Variants in TCF12 observed in about 807,000 individuals in gnomAD.
TCF12 encodes the protein transcription factor 12.
A neutral mutation model predicts 86.0 loss-of-function variants in TCF12; 45 were observed. The ratio of observed to expected loss-of-function variants is 0.52; its 90% CI spans 0.41 to 0.67. The LOEUF is 0.67. Ranked by LOEUF, TCF12 falls within the 30% of genes least tolerant of loss-of-function variation. The pLI, the probability that TCF12 is intolerant of heterozygous loss-of-function variation, is 0.00. For missense variants in TCF12, 881 were observed against 859.9 expected (o/e 1.02, Z -0.31); for synonymous variants, 330 against 299.6 (o/e 1.10, Z -1.05).
At chr15:56,957,589 A>G (rs2061553415) in intron 3 of TCF12, among the ~76,000 whole-genome samples, 1 of 152,156 alleles carries the variant, frequency 6.6e-6, no homozygotes, top group South Asian at 2.1e-4. Context: ...CTATGTCTCT[A>G]AACATTTTGA....
intron 6 of TCF12, among the ~76,000 whole-genome samples, chr15:57,176,079 TTCCCACTCC>T (rs1299674762): frequency 6.6e-6 from 1 of 152,192 alleles, no homozygotes; most frequent in African/African-American, 2.4e-5. Flanking sequence ...CATGCCTGTA[TTCCCACTCC>T]TCTGGAGGCT....
intron 3 of TCF12, among the ~76,000 whole-genome samples, chr15:56,961,155 T>G (rs1310795171): frequency 2.0e-5 from 3 of 150,964 alleles, no homozygotes; most frequent in African/African-American, 7.3e-5. Context: ...ATCAGTTCAT[T>G]AAATAAGTAC....
At chr15:57,125,132 C>G (rs958728334) in intron 5 of TCF12, among the ~76,000 whole-genome samples, 16 of 152,236 alleles carry the variant, frequency 1.1e-4, no homozygotes, top group Non-Finnish European at 2.1e-4. Context: ...GGACAGATAG[C>G]CAAGCTTTCA....
At chr15:57,015,208 A>AGCCCT (rs1381292246) in intron 3 of TCF12, among the ~76,000 whole-genome samples, 1 of 152,166 alleles carries the variant, frequency 6.6e-6, no homozygotes, top group Admixed American at 6.5e-5. Flanking sequence ...GGATCACCTG[A>AGCCCT]GCCCTGGAGG....
intron 3 of TCF12, among the ~76,000 whole-genome samples, chr15:56,994,806 A>G (rs2063620054): frequency 6.6e-6 from 1 of 152,168 alleles, no homozygotes; most frequent in Non-Finnish European, 1.5e-5. Flanking sequence ...ATCTAAAAGA[A>G]TTGCTAAAAG....
chr15:57,074,501 G>C (rs1027070944), intron 4 of TCF12, among the ~76,000 whole-genome samples: 10 of 151,996 alleles, frequency 6.6e-5, no homozygotes, highest in Admixed American at 3.9e-4. Flanking sequence ...CAAGAAGTTT[G>C]TTTGTTTGTT....
At chr15:57,160,440 A>G (rs1283430766) in intron 5 of TCF12, among the ~76,000 whole-genome samples, 1 of 152,144 alleles carries the variant, frequency 6.6e-6, no homozygotes, top group African/African-American at 2.4e-5. Context: ...CCCTCCCACG[A>G]CGTGGGGATT....
intron 3 of TCF12, among the ~76,000 whole-genome samples, chr15:57,005,655 G>A (rs1251360420): frequency 6.6e-6 from 1 of 152,052 alleles, no homozygotes; most frequent in Non-Finnish European, 1.5e-5. Flanking sequence ...TTAAGCCTTG[G>A]CTTCCTGGGC....
chr15:57,148,045 AT>A lies in TCF12; in HGVS notation c.326-18348del, dbSNP rs1354486348. 2.4e-3 allele frequency among the ~76,000 whole-genome samples: 361 copies of A among 151,110 alleles called. 2 individuals carry two copies. The highest frequency in any genetic ancestry group is 8.5e-3 in the African/African-American group (352 of 41,212). ...AGGTGCACGTCACCATGCCCTGCTA[AT>A]TTTTTTTTATTATTATTTGTAGAGA... On this transcript the variant is annotated intron_variant, in intron 5 of 20. Coordinates refer to ENST00000333725, the MANE Select transcript of TCF12 (RefSeq NM_207037.2).
At chr15:57,048,397 G>A (rs530528131) in intron 3 of TCF12, among the ~76,000 whole-genome samples, 4 of 152,098 alleles carry the variant, frequency 2.6e-5, no homozygotes, top group South Asian at 2.1e-4. Context: ...AAGTAGCTGG[G>A]ACTACAGGCA....
At chr15:57,034,844 C>G (rs2066406928) in intron 3 of TCF12, among the ~76,000 whole-genome samples, 1 of 152,118 alleles carries the variant, frequency 6.6e-6, no homozygotes, top group African/African-American at 2.4e-5. Flanking sequence ...CTGCCTTTAG[C>G]AAAACAGTGA....
At chr15:57,013,694 C>G (rs2141185735) in intron 3 of TCF12, among the ~76,000 whole-genome samples, 1 of 152,210 alleles carries the variant, frequency 6.6e-6, no homozygotes, top group Non-Finnish European at 1.5e-5. Context: ...AGGATTTCTT[C>G]CATAATGTAG....
intron 5 of TCF12, among the ~76,000 whole-genome samples, chr15:57,101,002 A>G (rs1289623208): frequency 6.6e-6 from 1 of 152,094 alleles, no homozygotes; most frequent in Non-Finnish European, 1.5e-5. Flanking sequence ...AGGCCCCATA[A>G]AACAATTGAT....
chr15:56,939,759 C>T (rs1430710350), intron 3 of TCF12, among the ~76,000 whole-genome samples: 1 of 152,042 alleles, frequency 6.6e-6, no homozygotes, highest in East Asian at 1.9e-4. Context: ...TAAGGAAGCA[C>T]CGAAACTTAC....
intron 8 of TCF12, among the ~76,000 whole-genome samples, chr15:57,206,090 G>A (rs778054168): frequency 1.3e-5 from 2 of 152,200 alleles, no homozygotes; most frequent in Admixed American, 6.5e-5. Context: ...CCCAGTATGT[G>A]TGCATGTTTG....
chr15:57,069,023 T>A (rs2069144061), intron 4 of TCF12, among the ~76,000 whole-genome samples: 1 of 152,186 alleles, frequency 6.6e-6, no homozygotes, highest in South Asian at 2.1e-4. Flanking sequence ...TCGAGTTATA[T>A]GAGTTTGTGG....
chr15:56,957,787 A>G (rs1275116966), intron 3 of TCF12, among the ~76,000 whole-genome samples: 4 of 152,060 alleles, frequency 2.6e-5, no homozygotes, highest in Non-Finnish European at 2.9e-5. Context: ...TGAGTGCCGT[A>G]TATTTTTTAT....
At chr15:56,983,946 A>C (rs962684178) in intron 3 of TCF12, among the ~76,000 whole-genome samples, 6 of 141,986 alleles carry the variant, frequency 4.2e-5, no homozygotes, top group Non-Finnish European at 6.1e-5. Context: ...AGGCTGCAGT[A>C]AACTATGATT....
At chr15:57,072,268 A>G (rs1038009220) in intron 4 of TCF12, among the ~76,000 whole-genome samples, 2 of 152,206 alleles carry the variant, frequency 1.3e-5, no homozygotes, top group Non-Finnish European at 2.9e-5. Flanking sequence ...ATGTAGACTC[A>G]CTTCACCCAC....
Sources: gnomAD v4.1 joint callset for allele counts (sites outside exome capture counted in the v4.1 genomes callset) on GRCh38, gnomAD v4.1.1 for gene constraint, MANE v1.5 for transcripts, NCBI Gene and HGNC (gene_info 2026-07-23, HGNC 2026-07-21) for gene names.